The following RNF175 variants were observed in gnomAD, a reference collection of about 807,000 sequenced individuals.
RNF175 encodes ring finger protein 175.
A neutral mutation model predicts 50.0 loss-of-function variants in RNF175; 38 were observed. The ratio of observed to expected loss-of-function variants is 0.76; its 90% CI spans 0.59 to 1.00. The LOEUF (loss-of-function observed/expected upper bound fraction) is 1.00. Ranked by LOEUF, RNF175 falls within the 50% of genes least tolerant of loss-of-function variation. The pLI is 0.00. For synonymous variants in RNF175, 155 were observed against 146.1 expected (o/e 1.06, Z -0.44); for missense variants, 388 against 409.6 (o/e 0.95, Z 0.46).
chr4:153,748,868 A>G (rs1740140328), intron 2 of RNF175, 82 bp from the exon 3 acceptor site: 3 of 1,358,554 alleles, frequency 2.2e-6, no homozygotes, highest in Non-Finnish European at 2.0e-6. Context: ...AAAAAACAAA[A>G]AAACAAAAAA....
chr4:153,727,858 A>C (rs1367704779), intron 4 of RNF175: 1 of 157,962 alleles, frequency 6.3e-6, no homozygotes, highest in African/African-American at 2.4e-5. Context: ...CTCTATTTTA[A>C]AATGTGTGAC....
chr4:153,727,788 T>A (rs1448053984), intron 4 of RNF175: 1 of 152,736 alleles, frequency 6.5e-6, no homozygotes, highest in Non-Finnish European at 1.5e-5. Flanking sequence ...GAGTAATAAG[T>A]TGTCCATGAC....
chr4:153,715,443 A>G, intron 7 of RNF175, 86 bp downstream of exon 7: 1 of 1,314,888 alleles, frequency 7.6e-7, no homozygotes. Flanking sequence ...AGCAAGATGG[A>G]GGAGATGGGG....
Position 153,748,781 on chromosome 4 carries a change from T to A in RNF175, c.110A>T (p.Gln37Leu), listed in dbSNP as rs1411835022. ...KLSAEDTWNLQQERMYKMHRG... is the reference protein window; with the variant it reads ...KLSAEDTWNLLQERMYKMHRG... ...GTGCATCTTGTACATCCTCTCCTGCTGCAGGCTGGAACCAGCAAAATGAGG... is the reference window on the plus strand; with the variant it reads ...GTGCATCTTGTACATCCTCTCCTGCAGCAGGCTGGAACCAGCAAAATGAGG... The change falls in exon 3 of 9, where the codon CAG becomes CTG. Residue 37 changes from glutamine (Q) to leucine (L), a missense_variant. Transcript: ENST00000347063. 1 of 1,611,738 alleles carries A rather than the reference T, an allele frequency of 6.2e-7. No individual in the cohort carries two copies. Among genetic ancestry groups the A allele is most frequent in the African/African-American group, 1.3e-5 (1 of 74,850 alleles).
chr4:153,723,546 T>C, intron 4 of RNF175, 88 bp from the exon 5 acceptor site: 2 of 664,076 alleles, frequency 3.0e-6, no homozygotes, highest in South Asian at 1.7e-5. Context: ...ATATTTTGTC[T>C]TTTTCAAAGA....
rs1490116601 is a variant in RNF175, at chr4:153,720,232, C to T, written c.582G>A (p.Gly194=). The T allele has an allele frequency of 6.2e-7, 1 of 1,612,600 alleles. No individual in the cohort carries two copies. Among genetic ancestry groups the T allele is most frequent in the South Asian group, 1.1e-5 (1 of 91,012 alleles). Residue 194 remains glycine (G), a synonymous_variant, in exon 6 of 9, where the codon GGG becomes GGA. Transcript: ENST00000347063. ...LFYGLYYGVM[G]RDFAEICSDY... ...CTGAGCAGATCTCGGCAAAGTCTCT[C>T]CCCATTACTCCATAGTAGAGGCCGT... is the stretch of plus-strand genomic sequence containing the variant.
At chr4:153,739,089 T>G (rs1354916099) in intron 3 of RNF175, among the ~76,000 whole-genome samples, 2 of 152,232 alleles carry the variant, frequency 1.3e-5, no homozygotes, top group Non-Finnish European at 2.9e-5. Context: ...ACACTGTTCC[T>G]ATGTTTACTT....
intron 3 of RNF175, among the ~76,000 whole-genome samples, chr4:153,739,426 TAAAA>T (rs916268964): frequency 6.8e-4 from 104 of 152,234 alleles, no homozygotes; most frequent in African/African-American, 2.5e-3. Flanking sequence ...AAATAAAAAA[TAAAA>T]GAAAGAAAGA....
At chr4:153,733,066 A>G in intron 3 of RNF175, among the ~76,000 whole-genome samples, 1 of 152,168 alleles carries the variant, frequency 6.6e-6, no homozygotes, top group Non-Finnish European at 1.5e-5. Flanking sequence ...GGTATTTATA[A>G]TAAGCTGCTC....
At chr4:153,748,321 A>G (rs1282440741) in intron 3 of RNF175, 2 of 217,616 alleles carry the variant, frequency 9.2e-6, no homozygotes, top group African/African-American at 2.3e-5. Context: ...TCTTGGCACC[A>G]TTGACATTTT....
chr4:153,745,945 C>A (rs79745889), intron 3 of RNF175, among the ~76,000 whole-genome samples: 1 of 152,316 alleles, frequency 6.6e-6, no homozygotes, highest in Non-Finnish European at 1.5e-5. Context: ...ACTCTCAAAC[C>A]ACAGCATTCT....
intron 3 of RNF175, among the ~76,000 whole-genome samples, chr4:153,738,086 G>T (rs544511787): frequency 6.6e-6 from 1 of 151,900 alleles, no homozygotes; most frequent in Admixed American, 6.6e-5. Context: ...GTCTCACTCC[G>T]CTGCCCAGGC....
At chr4:153,717,489 GA>G (rs567504586) in intron 6 of RNF175, among the ~76,000 whole-genome samples, 1 of 151,284 alleles carries the variant, frequency 6.6e-6, no homozygotes, top group Non-Finnish European at 1.5e-5. Flanking sequence ...ACAGAACAAG[GA>G]ATTCATCTGT....
At chr4:153,755,624 A>G (rs1488981042) in intron 1 of RNF175, among the ~76,000 whole-genome samples, 1 of 151,742 alleles carries the variant, frequency 6.6e-6, no homozygotes, top group Non-Finnish European at 1.5e-5. Context: ...ATATAAGAAT[A>G]TTAGTGAATT....
intron 8 of RNF175, among the ~76,000 whole-genome samples, chr4:153,710,865 G>T (rs1737524735): frequency 6.6e-6 from 1 of 152,162 alleles, no homozygotes; most frequent in Non-Finnish European, 1.5e-5. Flanking sequence ...TCATACATTA[G>T]AATGAACCCA....
At chr4:153,716,349 G>A (rs1737925674) in intron 6 of RNF175, among the ~76,000 whole-genome samples, 2 of 152,150 alleles carry the variant, frequency 1.3e-5, no homozygotes, top group Admixed American at 6.6e-5. Flanking sequence ...TCCCTTTATT[G>A]TCCTGGAGAT....
At chr4:153,737,760 A>C (rs1739426453) in intron 3 of RNF175, among the ~76,000 whole-genome samples, 1 of 149,216 alleles carries the variant, frequency 6.7e-6, no homozygotes, top group South Asian at 2.1e-4. Flanking sequence ...GATGTCAAGA[A>C]GAATATATAC....
intron 7 of RNF175, chr4:153,714,829 G>A (rs1737802680): frequency 6.5e-6 from 1 of 154,358 alleles, no homozygotes; most frequent in African/African-American, 2.4e-5. Context: ...GGCTCAGGCT[G>A]TCTGGTACCT....
At chr4:153,739,811 AC>A (rs1739552584) in intron 3 of RNF175, among the ~76,000 whole-genome samples, 1 of 152,054 alleles carries the variant, frequency 6.6e-6, no homozygotes, top group Non-Finnish European at 1.5e-5. Context: ...AATTTGACAT[AC>A]CCAGGTATAG....
Sources: allele counts gnomAD v4.1 joint callset (sites outside exome capture counted in the v4.1 genomes callset), GRCh38; gene constraint gnomAD v4.1.1; transcripts MANE v1.5; gene names NCBI Gene and HGNC (gene_info 2026-07-23, HGNC 2026-07-21).